Variants in TPPP3 observed in about 807,000 individuals in gnomAD.
TPPP3 encodes the protein tubulin polymerization promoting protein family member 3.
TPPP3 carries 7 observed loss-of-function variants against 13.1 expected under a neutral mutation model. The ratio of observed to expected loss-of-function variants is 0.54; its 90% CI spans 0.30 to 1.01. The LOEUF (loss-of-function observed/expected upper bound fraction) is 1.01, where lower values mean the gene tolerates loss of function less well. TPPP3 is among the 50% of genes least tolerant of loss of function. The probability of loss-of-function intolerance (pLI) is 0.06; values close to 1 mark genes in which losing one functional copy is unlikely to be tolerated. For synonymous variants in TPPP3, 87 were observed against 93.7 expected (o/e 0.93, Z 0.41); for missense variants, 185 against 235.0 (o/e 0.79, Z 1.39).
Position 67,390,054 on chromosome 16 carries a change from G to C in TPPP3, c.*120C>G. 6 of 1,124,492 alleles carry C rather than the reference G, an allele frequency of 5.3e-6. No individual in the cohort carries two copies. The highest frequency in any genetic ancestry group is 2.5e-5 in the Admixed American group (1 of 40,348). 69.7% of individuals were successfully genotyped at this position (1,124,492 alleles called of 1,614,324 possible). A position where few individuals can be genotyped will look rare whatever the true frequency, so the allele number is the denominator to read the frequency against. ...CCAGCCCAGTGGGACTAGGCAGGAA[G>C]CTCTGGGTGGCAGGTCCAGCAGGGA... On this transcript the variant is annotated 3_prime_UTR_variant, in exon 4 of 4. Coordinates refer to ENST00000393957, the MANE Select transcript of TPPP3 (RefSeq NM_015964.4). This position sits in a 1 kb window ranked among gnomAD's most constrained non-coding sequence, Gnocchi z 6.4.
rs927534495 is a variant in TPPP3, at chr16:67,392,063, T to TC, written c.-6-947dup. ...GGGGCTGTGGCTGAAACACACTTCATCATGTCTACACCTCAGACCTCCCCT... is the reference window on the plus strand; with the variant it reads ...GGGGCTGTGGCTGAAACACACTTCATCCATGTCTACACCTCAGACCTCCCCT... On this transcript the variant is annotated intron_variant, in intron 1 of 3. Coordinates refer to ENST00000393957, the MANE Select transcript of TPPP3 (RefSeq NM_015964.4). The surrounding 1 kb of genome is among the most constrained non-coding windows in gnomAD (Gnocchi z 4.9). 6.6e-6 allele frequency: 1 copy of TC among 152,602 alleles called. No homozygotes were observed. Among genetic ancestry groups the TC allele is most frequent in the African/African-American group, 2.4e-5 (1 of 41,308 alleles). The allele number at this position is 152,602 out of a possible 1,614,324, so 9.5% of individuals were successfully genotyped here.
Position 67,391,032 on chromosome 16 carries a change from C to G in TPPP3, c.80G>C (p.Gly27Ala), listed in dbSNP as rs374128583. Residue 27 changes from glycine (G) to alanine (A), a missense_variant, in exon 2 of 4, where the codon GGG (glycine) becomes GCG (alanine). Coordinates refer to ENST00000393957, the MANE Select transcript of TPPP3 (RefSeq NM_015964.4). This position sits in a 1 kb window ranked among gnomAD's most constrained non-coding sequence, Gnocchi z 6.3. ...FAIHGDPKAS[G>A]QEMNGKNWAK... ...CCAGTTCTTGCCATTCATCTCTTGCCCACTGGCCTTGGGGTCACCATGGAT... is the reference window on the plus strand; with the variant it reads ...CCAGTTCTTGCCATTCATCTCTTGCGCACTGGCCTTGGGGTCACCATGGAT... The G allele has an allele frequency of 1.0e-4, 168 of 1,614,254 alleles. 1 individual carries two copies. In the South Asian group the frequency reaches 1.2e-3, roughly 11 times the overall value.
rs1476060817 is a variant in TPPP3, at chr16:67,390,207, A to G, written c.498T>C (p.Asn166=). The G allele has an allele frequency of 3.1e-6, 5 of 1,614,076 alleles. No homozygotes were observed. In the African/African-American group the frequency reaches 6.7e-5, roughly 22 times the overall value. Residue 166 remains asparagine, a synonymous_variant, in exon 4 of 4, where the codon AAT becomes AAC. Coordinates refer to ENST00000393957, the MANE Select transcript of TPPP3 (RefSeq NM_015964.4). The surrounding 1 kb of genome is among the most constrained non-coding windows in gnomAD (Gnocchi z 6.4). ...TCACCTTGGCATCGTAGGTGCCTGC[A>G]TTCTTGTAGGCGCTCACGTAGCCAC... The part of the protein sequence containing the change: ...DDSGYVSAYK[N]AGTYDAKVKK
rs2040344078 is a variant in TPPP3 at position 67,392,737 on chromosome 16, CCAGTGA to C, written c.-7+637_-7+642del. Among the ~76,000 whole-genome samples, 1 of 152,204 alleles carries C rather than the reference CCAGTGA, an allele frequency of 6.6e-6. No homozygotes were observed. The highest frequency in any genetic ancestry group is 1.5e-5 in the Non-Finnish European group (1 of 68,042). On this transcript the variant is annotated intron_variant, in intron 1 of 3. Coordinates refer to ENST00000393957, the MANE Select transcript of TPPP3 (RefSeq NM_015964.4). This position sits in a 1 kb window ranked among gnomAD's most constrained non-coding sequence, Gnocchi z 4.9. The stretch of plus-strand genomic sequence containing the variant: ...AGCTCTGCCTTTTACACTAGGGCTT[CCAGTGA>C]CCACGGCCTGGGCTCTGCCCGGCTG...
rs1229744962 is a variant in TPPP3 at position 67,391,515 on chromosome 16, A to C, written c.-6-398T>G. 5.1e-6 allele frequency: 1 copy of C among 194,342 alleles called. No homozygotes were observed. The highest frequency in any genetic ancestry group is 2.3e-5 in the African/African-American group (1 of 43,004). 12.0% of individuals were successfully genotyped at this position (194,342 alleles called of 1,614,324 possible). A position where few individuals can be genotyped will look rare whatever the true frequency, so the allele number is the denominator to read the frequency against. On this transcript the variant is annotated intron_variant, in intron 1 of 3. Coordinates refer to ENST00000393957, the MANE Select transcript of TPPP3 (RefSeq NM_015964.4). The surrounding 1 kb of genome is among the most constrained non-coding windows in gnomAD (Gnocchi z 6.3). ...AGCAGGCCCCCTCCCTGGAAGCTCC[A>C]TGCCAAGCTGGCTTGGGGCCAGGCC...
At position 67,393,277 on chromosome 16, in the gene TPPP3, G is replaced by A; in HGVS notation, c.-7+103C>T. 6.2e-6 allele frequency: 6 copies of A among 961,458 alleles called. No homozygotes were observed. Among genetic ancestry groups the A allele is most frequent in the Non-Finnish European group, 7.4e-6 (6 of 808,036 alleles). The allele number at this position is 961,458 out of a possible 1,614,324, so 59.6% of individuals were successfully genotyped here. A position where few individuals can be genotyped will look rare whatever the true frequency, so the allele number is the denominator to read the frequency against. On this transcript the variant is annotated intron_variant, in intron 1 of 3. Coordinates refer to ENST00000393957, the MANE Select transcript of TPPP3 (RefSeq NM_015964.4). This position sits in a 1 kb window ranked among gnomAD's most constrained non-coding sequence, Gnocchi z 5.4. ...GCCGCTCAGCTGGCTCCTCGGCTGG[G>A]ACCGCCGGAGGTTGGGACCCTTTCC... is the stretch of plus-strand genomic sequence containing the variant.
rs1204857260 is a variant in TPPP3 at position 67,393,102 on chromosome 16, G to A, written c.-7+278C>T. On this transcript the variant is annotated intron_variant, in intron 1 of 3. Transcript: ENST00000393957. The surrounding 1 kb of genome is among the most constrained non-coding windows in gnomAD (Gnocchi z 5.4). The stretch of plus-strand genomic sequence containing the variant: ...GTCAGGTGGCGCTGGGTTGCAGGCC[G>A]CAGCCCCATGGGTCTGCAGGCCATG... 20 of 889,736 alleles carry A rather than the reference G, an allele frequency of 2.2e-5. No homozygotes were observed. Among genetic ancestry groups the A allele is most frequent in the East Asian group, 1.2e-4 (1 of 8,354 alleles). The allele number at this position is 889,736 out of a possible 1,614,324, so 55.1% of individuals were successfully genotyped here.
At position 67,390,974 on chromosome 16, in the gene TPPP3, G is replaced by A. The variant is rs369741955; in HGVS notation, c.138C>T (p.Asp46=). 14 of 1,614,188 alleles carry A rather than the reference G, an allele frequency of 8.7e-6. No individual in the cohort carries two copies. Among genetic ancestry groups the A allele is most frequent in the African/African-American group, 4.0e-5 (3 of 75,048 alleles). Reference sequence around the variant, plus strand: ...CATCGGTCCCTGTCACGGACTTTCCGTCAGCCACCTTGCAGTCCTTGCACA... The same window carrying A: ...CATCGGTCCCTGTCACGGACTTTCCATCAGCCACCTTGCAGTCCTTGCACA... ...AKLCKDCKVA[D]GKSVTGTDVD... is the part of the protein sequence containing the mutation. The change falls in exon 2 of 4, where the codon GAC becomes GAT. Residue 46 remains aspartate, a synonymous_variant. Coordinates refer to ENST00000393957, the MANE Select transcript of TPPP3 (RefSeq NM_015964.4). This position sits in a 1 kb window ranked among gnomAD's most constrained non-coding sequence, Gnocchi z 6.4.
In TPPP3 at chr16:67,392,886, G is replaced by A. The variant is rs1215734198; in HGVS notation, c.-7+494C>T. 7 of 822,152 alleles carry A rather than the reference G, an allele frequency of 8.5e-6. No homozygotes were observed. Among genetic ancestry groups the A allele is most frequent in the African/African-American group, 3.7e-5 (2 of 54,018 alleles). 50.9% of individuals were successfully genotyped at this position (822,152 alleles called of 1,614,324 possible). A position where few individuals can be genotyped will look rare whatever the true frequency, so the allele number is the denominator to read the frequency against. On this transcript the variant is annotated intron_variant, in intron 1 of 3. Transcript: ENST00000393957. This position sits in a 1 kb window ranked among gnomAD's most constrained non-coding sequence, Gnocchi z 4.9. ...TACAGGGACCATAACCCCAGTCCACGCTGCACTCCCCTTCCCTTTCCCTGG... is the reference window on the plus strand; with the variant it reads ...TACAGGGACCATAACCCCAGTCCACACTGCACTCCCCTTCCCTTTCCCTGG...
chr16:67,390,414 C>G lies in TPPP3; in HGVS notation c.343-52G>C, dbSNP rs746470102. ...CACCTGATGAGGGAGCCCAGCCCTT[C>G]CCACCCACAGCCACGATTCCCCACA... On this transcript the variant is annotated intron_variant, in intron 3 of 3. Transcript: ENST00000393957. The surrounding 1 kb of genome is among the most constrained non-coding windows in gnomAD (Gnocchi z 6.4). 4 of 1,606,596 alleles carry G rather than the reference C, an allele frequency of 2.5e-6. No individual in the cohort carries two copies. In the African/African-American group the frequency reaches 5.3e-5, roughly 21 times the overall value.
In TPPP3 at chr16:67,390,616, C is replaced by T; in HGVS notation, c.205G>A (p.Val69Ile). The T allele has an allele frequency of 1.2e-6, 2 of 1,613,294 alleles. No individual in the cohort carries two copies. Among genetic ancestry groups the T allele is most frequent in the South Asian group, 1.1e-5 (1 of 91,054 alleles). The change falls in exon 3 of 4, where the codon GTC becomes ATC. Residue 69 changes from valine to isoleucine, a missense_variant. Physicochemically the swap from Val to Ile is conservative, Grantham distance 29. Coordinates refer to ENST00000393957, the MANE Select transcript of TPPP3 (RefSeq NM_015964.4). The surrounding 1 kb of genome is among the most constrained non-coding windows in gnomAD (Gnocchi z 6.4). ...TTCTTGAACTCCTCATAGTTGATGA[C>T]CCGAGCAGACTTCCCCCTGACAGGC... ...FSKVKGKSAR[V>I]INYEEFKKAL...
chr16:67,391,313 G>A lies in TPPP3; in HGVS notation c.-6-196C>T. 1.7e-6 allele frequency: 1 copy of A among 601,162 alleles called. No homozygotes were observed. Among genetic ancestry groups the A allele is most frequent in the Non-Finnish European group, 2.9e-6 (1 of 341,060 alleles). 37.2% of individuals were successfully genotyped at this position (601,162 alleles called of 1,614,324 possible). On this transcript the variant is annotated intron_variant, in intron 1 of 3. Transcript: ENST00000393957. The surrounding 1 kb of genome is among the most constrained non-coding windows in gnomAD (Gnocchi z 6.3). ...GAGCCCCAAGGAAGAGCCCCGGGAG[G>A]CACGGTCTTGTCACTAATGCCAGCC... is the stretch of plus-strand genomic sequence containing the variant.
At position 67,393,194 on chromosome 16, in the gene TPPP3, C is replaced by T. The variant is rs1597525060; in HGVS notation, c.-7+186G>A. ...CTCCCACTGGGACAGCTGGAGTCAT[C>T]AATCAGCCGGACCAGGAGGTGGGGG... On this transcript the variant is annotated intron_variant, in intron 1 of 3. Transcript: ENST00000393957. This position sits in a 1 kb window ranked among gnomAD's most constrained non-coding sequence, Gnocchi z 5.4. The T allele has an allele frequency of 1.6e-6, 1 of 636,074 alleles. No individual in the cohort carries two copies. 39.4% of individuals were successfully genotyped at this position (636,074 alleles called of 1,614,324 possible).
At position 67,390,765 on chromosome 16, in the gene TPPP3, C is replaced by CAGCAACTCTGG. The variant is rs1444923069; in HGVS notation, c.189-144_189-134dup. The CAGCAACTCTGG allele has an allele frequency of 6.2e-6, 9 of 1,448,188 alleles. No individual in the cohort carries two copies. The African/African-American group carries it at 7.1e-5, about 11-fold the overall frequency. The allele number at this position is 1,448,188 out of a possible 1,614,324, so 89.7% of individuals were successfully genotyped here. ...CCACGTTTGGGGAAGTCGCAGGGGT[C>CAGCAACTCTGG]AGCAACTCTGGAGGGCAATAGATAT... On this transcript the variant is annotated intron_variant, in intron 2 of 3. Transcript: ENST00000393957. The surrounding 1 kb of genome is among the most constrained non-coding windows in gnomAD (Gnocchi z 6.4).
At position 67,393,275 on chromosome 16, in the gene TPPP3, G is replaced by A. The variant is rs2040351968; in HGVS notation, c.-7+105C>T. ...GGGCCGCTCAGCTGGCTCCTCGGCT[G>A]GGACCGCCGGAGGTTGGGACCCTTT... is the stretch of plus-strand genomic sequence containing the variant. On this transcript the variant is annotated intron_variant, in intron 1 of 3. Coordinates refer to ENST00000393957, the MANE Select transcript of TPPP3 (RefSeq NM_015964.4). This position sits in a 1 kb window ranked among gnomAD's most constrained non-coding sequence, Gnocchi z 5.4. 6 of 959,328 alleles carry A rather than the reference G, an allele frequency of 6.3e-6. No individual in the cohort carries two copies. The highest frequency in any genetic ancestry group is 7.4e-6 in the Non-Finnish European group (6 of 806,310). The allele number at this position is 959,328 out of a possible 1,614,324, so 59.4% of individuals were successfully genotyped here. A position where few individuals can be genotyped will look rare whatever the true frequency, so the allele number is the denominator to read the frequency against.
rs751844568 is a variant in TPPP3 at position 67,390,350 on chromosome 16, C to G, written c.355G>C (p.Gly119Arg). ...TCCGTCAGCCGGTCTACAGCACCCC[C>G]TGTTTTTGCTTTCTGTTTGGACAGA... ...ANVGVTKAKT[G>R]GAVDRLTDTS... The change falls in exon 4 of 4, where the codon GGG becomes CGG. Residue 119 changes from glycine (G) to arginine (R), a missense_variant. Gly to Arg is a moderately radical substitution (Grantham distance 125). Coordinates refer to ENST00000393957, the MANE Select transcript of TPPP3 (RefSeq NM_015964.4). This position sits in a 1 kb window ranked among gnomAD's most constrained non-coding sequence, Gnocchi z 6.4. 3.5e-5 allele frequency: 56 copies of G among 1,613,522 alleles called. No individual in the cohort carries two copies. The East Asian group carries it at 1.2e-3, about 34-fold the overall frequency.
rs755581994 is a variant in TPPP3, at chr16:67,390,922, A to G, written c.188+2T>C. On this transcript the variant is annotated splice_donor_variant, in intron 2 of 3. Transcript: ENST00000393957. LOFTEE classifies it high-confidence loss of function. The surrounding 1 kb of genome is among the most constrained non-coding windows in gnomAD (Gnocchi z 6.4). ...GAGAAGCAGGGGCTGCTTAGGGCTC[A>G]CTTGACTTTGGAGAAGACGATGTCC... is the stretch of plus-strand genomic sequence containing the variant. 6.2e-7 allele frequency: 1 copy of G among 1,613,620 alleles called. No individual in the cohort carries two copies. The highest frequency in any genetic ancestry group is 1.1e-5 in the South Asian group (1 of 91,056).
At position 67,392,991 on chromosome 16, in the gene TPPP3, G is replaced by C. The variant is rs1415250799; in HGVS notation, c.-7+389C>G. 1.7e-5 allele frequency: 17 copies of C among 985,340 alleles called. No homozygotes were observed. The highest frequency in any genetic ancestry group is 1.8e-5 in the Non-Finnish European group (15 of 829,968). 61.0% of individuals were successfully genotyped at this position (985,340 alleles called of 1,614,324 possible). On this transcript the variant is annotated intron_variant, in intron 1 of 3. Coordinates refer to ENST00000393957, the MANE Select transcript of TPPP3 (RefSeq NM_015964.4). This position sits in a 1 kb window ranked among gnomAD's most constrained non-coding sequence, Gnocchi z 4.9. Reference sequence around the variant, plus strand: ...GTCCAGGGGAGCTTGGATGCCACAGGGTGCTTGGCCCAAGCACTGGGCGGA... The same window carrying C: ...GTCCAGGGGAGCTTGGATGCCACAGCGTGCTTGGCCCAAGCACTGGGCGGA...
Position 67,393,416 on chromosome 16 carries a change from A to C in TPPP3, c.-43T>G, listed in dbSNP as rs558964983. ...TCCTGAAGTGTGCGTTCGGAAGGAC[A>C]GAACGACGCAGGAATGGACCGATGG... On this transcript the variant is annotated 5_prime_UTR_variant, in exon 1 of 4. Coordinates refer to ENST00000393957, the MANE Select transcript of TPPP3 (RefSeq NM_015964.4). This position sits in a 1 kb window ranked among gnomAD's most constrained non-coding sequence, Gnocchi z 5.4. 7.2e-5 allele frequency: 71 copies of C among 985,570 alleles called. No homozygotes were observed. The South Asian group carries it at 2.6e-3, about 37-fold the overall frequency. The allele number at this position is 985,570 out of a possible 1,614,324, so 61.1% of individuals were successfully genotyped here. A position where few individuals can be genotyped will look rare whatever the true frequency, so the allele number is the denominator to read the frequency against.
Sources: gnomAD v4.1 joint callset for allele counts (sites outside exome capture counted in the v4.1 genomes callset) on GRCh38, gnomAD v4.1.1 for gene constraint, Gnocchi (gnomAD v3.1) non-coding constraint, MANE v1.5 for transcripts, NCBI Gene and HGNC (gene_info 2026-07-23, HGNC 2026-07-21) for gene names.